Variants in PTPRR observed in about 807,000 individuals in gnomAD.
The protein encoded by PTPRR is protein tyrosine phosphatase receptor type R, also known as receptor-type tyrosine-protein phosphatase R.
PTPRR carries 38 observed loss-of-function variants against 77.2 expected under a neutral mutation model. That is an observed-to-expected ratio of 0.49 (90% CI 0.38 to 0.65). The LOEUF is 0.65. PTPRR is among the 30% of genes least tolerant of loss of function. The pLI, the probability that PTPRR is intolerant of heterozygous loss-of-function variation, is 0.00. For synonymous variants in PTPRR, 299 were observed against 283.1 expected (o/e 1.06, Z -0.57); for missense variants, 744 against 799.2 (o/e 0.93, Z 0.83).
chr12:70,697,465 T>C (rs1260775571), intron 8 of PTPRR, among the ~76,000 whole-genome samples: 1 of 152,162 alleles, frequency 6.6e-6, no homozygotes, highest in Non-Finnish European at 1.5e-5. Flanking sequence ...ACATGTCCCT[T>C]ATTAGATACA....
chr12:70,759,882 A>G (rs1045652814), intron 4 of PTPRR, among the ~76,000 whole-genome samples: 2 of 152,048 alleles, frequency 1.3e-5, no homozygotes, highest in African/African-American at 4.8e-5. Flanking sequence ...AGAAATCTAG[A>G]CTTCATTCCG....
At chr12:70,669,375 G>A (rs1056861734) in intron 10 of PTPRR, among the ~76,000 whole-genome samples, 2 of 151,824 alleles carry the variant, frequency 1.3e-5, no homozygotes, top group African/African-American at 4.8e-5. Context: ...CATTCGATGA[G>A]AAACTAAGCA....
chr12:70,798,826 C>T (rs1891563053), intron 2 of PTPRR, among the ~76,000 whole-genome samples: 1 of 138,786 alleles, frequency 7.2e-6, no homozygotes, highest in African/African-American at 2.6e-5. Flanking sequence ...TCTAATAACC[C>T]CATTTGTGTG....
intron 2 of PTPRR, among the ~76,000 whole-genome samples, chr12:70,812,833 C>T (rs1365331318): frequency 6.6e-6 from 1 of 152,272 alleles, no homozygotes; most frequent in South Asian, 2.1e-4. Flanking sequence ...AAATCACAGA[C>T]AGATTAAAAA....
chr12:70,759,490 G>A (rs1565685407), intron 4 of PTPRR, among the ~76,000 whole-genome samples: 1 of 152,024 alleles, frequency 6.6e-6, no homozygotes, highest in Non-Finnish European at 1.5e-5. Context: ...GAAATGAAAG[G>A]TATGCATGGT....
intron 1 of PTPRR, among the ~76,000 whole-genome samples, chr12:70,911,729 C>A (rs1893702386): frequency 9.4e-6 from 1 of 106,756 alleles, no homozygotes; most frequent in Non-Finnish European, 1.8e-5. Context: ...CAGATGAAAA[C>A]TATCAAGAAA....
At chr12:70,912,467 G>T (rs1442796701) in intron 1 of PTPRR, among the ~76,000 whole-genome samples, 1 of 151,756 alleles carries the variant, frequency 6.6e-6, no homozygotes, top group Non-Finnish European at 1.5e-5. Flanking sequence ...CATTGCTTTA[G>T]ATCTGAAAAA....
intron 2 of PTPRR, among the ~76,000 whole-genome samples, chr12:70,797,289 T>C (rs1891532663): frequency 6.6e-6 from 1 of 152,184 alleles, no homozygotes; most frequent in African/African-American, 2.4e-5. Flanking sequence ...AGCTCTTTTC[T>C]TCTCTTATCA....
chr12:70,709,645 C>CA (rs1888750990), intron 6 of PTPRR, among the ~76,000 whole-genome samples: 1 of 152,084 alleles, frequency 6.6e-6, no homozygotes, highest in Admixed American at 6.6e-5. Context: ...TTTCAGGATA[C>CA]AAAATCAATG....
chr12:70,765,245 C>T (rs986085245), intron 2 of PTPRR, among the ~76,000 whole-genome samples: 1 of 152,152 alleles, frequency 6.6e-6, no homozygotes, highest in Non-Finnish European at 1.5e-5. Flanking sequence ...TCAGGGAGTT[C>T]CCTTTCCTAT....
At chr12:70,642,209 G>A (rs1208548910) in intron 13 of PTPRR, among the ~76,000 whole-genome samples, 4 of 152,110 alleles carry the variant, frequency 2.6e-5, no homozygotes, top group Middle Eastern at 3.4e-3. Context: ...ACTAACTGAC[G>A]GTGTAGATTA....
intron 6 of PTPRR, among the ~76,000 whole-genome samples, chr12:70,707,820 C>G (rs1888672194): frequency 6.6e-6 from 1 of 152,080 alleles, no homozygotes; most frequent in African/African-American, 2.4e-5. Flanking sequence ...CTTCCTAACT[C>G]TAAAATCTCC....
At chr12:70,837,798 GA>G (rs1206319695) in intron 2 of PTPRR, among the ~76,000 whole-genome samples, 1 of 151,926 alleles carries the variant, frequency 6.6e-6, no homozygotes, top group African/African-American at 2.4e-5. Flanking sequence ...TCCTTTCCTT[GA>G]GGTTGAAGAT....
intron 2 of PTPRR, among the ~76,000 whole-genome samples, chr12:70,823,117 A>ACACACG (rs1248615460): frequency 2.2e-5 from 2 of 89,126 alleles, no homozygotes; most frequent in African/African-American, 6.3e-5. Context: ...TGACACACAC[A>ACACACG]CACACACACA....
chr12:70,758,111 TC>T (rs1890604023), intron 4 of PTPRR, among the ~76,000 whole-genome samples: 1 of 152,146 alleles, frequency 6.6e-6, no homozygotes, highest in Non-Finnish European at 1.5e-5. Context: ...GTTCAAATAA[TC>T]CCTCTGTCCT....
At position 70,698,407 on chromosome 12, in the gene PTPRR, C is replaced by T. The variant is rs1307702317; in HGVS notation, c.1195-58G>A. ...CTAATACTGCCACAAAGAAAATCTT[C>T]ACAGGGGGGCATCTGATCCAGAGTT... is the stretch of plus-strand genomic sequence containing the variant. On this transcript the variant is annotated intron_variant, in intron 7 of 13. Coordinates refer to ENST00000283228, the MANE Select transcript of PTPRR (RefSeq NM_002849.4). 3.5e-6 allele frequency: 5 copies of T among 1,429,966 alleles called. No homozygotes were observed. In the African/African-American group the frequency reaches 7.0e-5, roughly 20 times the overall value. 88.6% of individuals were successfully genotyped at this position (1,429,966 alleles called of 1,614,324 possible).
At chr12:70,671,926 C>T in intron 10 of PTPRR, 1 of 944,386 alleles carries the variant, frequency 1.1e-6, no homozygotes, top group Non-Finnish European at 1.7e-6. Context: ...TGATGCTGGT[C>T]TCTGGTAGAA....
chr12:70,757,353 A>G (rs1300338006), intron 4 of PTPRR, among the ~76,000 whole-genome samples: 1 of 152,224 alleles, frequency 6.6e-6, no homozygotes, highest in Non-Finnish European at 1.5e-5. Flanking sequence ...ATTTTTAAAA[A>G]TGTCAACACA....
At chr12:70,903,234 C>G (rs897448897) in intron 1 of PTPRR, among the ~76,000 whole-genome samples, 2 of 151,642 alleles carry the variant, frequency 1.3e-5, no homozygotes. Flanking sequence ...TTCAAAATAT[C>G]TAAGAGCATA....
Sources: gnomAD v4.1 joint callset for allele counts (sites outside exome capture counted in the v4.1 genomes callset) on GRCh38, gnomAD v4.1.1 for gene constraint, MANE v1.5 for transcripts, NCBI Gene and HGNC (gene_info 2026-07-23, HGNC 2026-07-21) for gene names.